CAPZB: variants seen among roughly 807,000 people sequenced by gnomAD.
The protein encoded by CAPZB is capping actin protein of muscle Z-line subunit beta.
A neutral mutation model predicts 38.1 loss-of-function variants in CAPZB; 2 were observed. The observed-to-expected ratio is 0.05, with a 90% confidence interval of 0.02 to 0.17. The LOEUF (loss-of-function observed/expected upper bound fraction) is 0.17, where lower values mean the gene tolerates loss of function less well. Ranked by LOEUF, CAPZB falls within the 10% of genes least tolerant of loss-of-function variation. The pLI, the probability that CAPZB is intolerant of heterozygous loss-of-function variation, is 1.00. For missense variants in CAPZB, 161 were observed against 334.2 expected, an observed-to-expected ratio of 0.48 and a Z score of 4.04; for synonymous variants, 107 against 127.4, an observed-to-expected ratio of 0.84 and a Z score of 1.08.
chr1:19,453,623 TCTC>T (rs1369065568), intron 1 of CAPZB, among the ~76,000 whole-genome samples: 1 of 152,066 alleles, frequency 6.6e-6, no homozygotes, highest in Admixed American at 6.5e-5. Flanking sequence ...TTCCTTGTCT[TCTC>T]CTCCCACCTG....
chr1:19,399,173 G>A (rs1038237149), intron 2 of CAPZB, among the ~76,000 whole-genome samples: 2 of 152,096 alleles, frequency 1.3e-5, no homozygotes, highest in Non-Finnish European at 2.9e-5. Flanking sequence ...CACAACTCTT[G>A]CGTGTGCTAA....
At chr1:19,372,020 A>C (rs2094121954) in intron 4 of CAPZB, among the ~76,000 whole-genome samples, 1 of 152,240 alleles carries the variant, frequency 6.6e-6, no homozygotes, top group Admixed American at 6.5e-5. Context: ...CCACTCCTGG[A>C]GAGGCCCTTG....
chr1:19,451,162 G>T (rs570123470), intron 1 of CAPZB, among the ~76,000 whole-genome samples: 76 of 152,254 alleles, frequency 5.0e-4, no homozygotes, highest in African/African-American at 1.8e-3. Context: ...TTGCTATTTC[G>T]CATTAAGACT....
intron 2 of CAPZB, among the ~76,000 whole-genome samples, chr1:19,388,307 G>T (rs946543765): frequency 6.6e-6 from 1 of 152,216 alleles, no homozygotes; most frequent in East Asian, 1.9e-4. Context: ...CAAGGACTTC[G>T]ATCTTACTCA....
intron 2 of CAPZB, among the ~76,000 whole-genome samples, chr1:19,397,960 G>A (rs1398288223): frequency 6.6e-6 from 1 of 152,142 alleles, no homozygotes; most frequent in African/African-American, 2.4e-5. Context: ...CAGCATCGGG[G>A]TCTGTGGGTT....
At chr1:19,401,143 C>T (rs750790023) in intron 2 of CAPZB, among the ~76,000 whole-genome samples, 1 of 151,190 alleles carries the variant, frequency 6.6e-6, no homozygotes, top group African/African-American at 2.4e-5. Flanking sequence ...GACCAGAGAG[C>T]ATTTTCACAA....
intron 1 of CAPZB, among the ~76,000 whole-genome samples, chr1:19,471,552 T>A (rs1157467001): frequency 7.1e-6 from 1 of 141,580 alleles, no homozygotes; most frequent in African/African-American, 2.5e-5. Flanking sequence ...GGCAACCAGT[T>A]CTTGTCTGTT....
At chr1:19,406,619 A>G (rs2094333821) in intron 2 of CAPZB, among the ~76,000 whole-genome samples, 1 of 152,168 alleles carries the variant, frequency 6.6e-6, no homozygotes, top group South Asian at 2.1e-4. Flanking sequence ...AGACGGGTAG[A>G]TCCCAACTCT....
chr1:19,389,768 A>T (rs985695725), intron 2 of CAPZB, among the ~76,000 whole-genome samples: 20 of 152,210 alleles, frequency 1.3e-4, no homozygotes, highest in Admixed American at 1.1e-3. Flanking sequence ...GCCAATCCCC[A>T]CTGCTCTCTT....
intron 1 of CAPZB, among the ~76,000 whole-genome samples, chr1:19,478,425 C>T (rs560705209): frequency 6.6e-6 from 1 of 152,354 alleles, no homozygotes; most frequent in East Asian, 1.9e-4. Context: ...TCACTACGTG[C>T]CAGGTGAATG....
intron 1 of CAPZB, among the ~76,000 whole-genome samples, chr1:19,462,553 T>C (rs2094555506): frequency 6.6e-6 from 1 of 152,206 alleles, no homozygotes; most frequent in South Asian, 2.1e-4. Flanking sequence ...GCATGTTAGA[T>C]AACTCCTGAT....
chr1:19,384,207 C>A (rs2094191755), intron 3 of CAPZB, among the ~76,000 whole-genome samples: 1 of 152,198 alleles, frequency 6.6e-6, no homozygotes, highest in Non-Finnish European at 1.5e-5. Flanking sequence ...CCCTGCCAGA[C>A]CTGCCCTGGC....
In CAPZB at chr1:19,357,368, T is replaced by C; in HGVS notation, c.471+54A>G. The C allele has an allele frequency of 6.5e-7, 1 of 1,549,476 alleles. No individual in the cohort carries two copies. Among genetic ancestry groups the C allele is most frequent in the East Asian group, 2.2e-5 (1 of 44,558 alleles). On this transcript the variant is annotated intron_variant, in intron 5 of 8. Coordinates refer to ENST00000264202, the MANE Select transcript of CAPZB (RefSeq NM_004930.5). The surrounding 1 kb of genome is among the most constrained non-coding windows in gnomAD (Gnocchi z 4.3). Reference sequence around the variant, plus strand: ...TGTTAGAGAGCAGCGCGGCACTGGTTGGTGTGCCATCTGTACTTAGTGGCC... The same window carrying C: ...TGTTAGAGAGCAGCGCGGCACTGGTCGGTGTGCCATCTGTACTTAGTGGCC...
Position 19,378,753 on chromosome 1 carries a change from C to T in CAPZB, c.216-100G>A. ...CCCTGGCTATCTGAAATCTCGGAGG[C>T]AAAGCCGCTAACTCCAGCAAAGATT... On this transcript the variant is annotated intron_variant, in intron 3 of 8. Coordinates refer to ENST00000264202, the MANE Select transcript of CAPZB (RefSeq NM_004930.5). 1.0e-5 allele frequency: 7 copies of T among 677,980 alleles called. No individual in the cohort carries two copies. In the Admixed American group the frequency reaches 1.4e-4, roughly 14 times the overall value. 42.0% of individuals were successfully genotyped at this position (677,980 alleles called of 1,614,324 possible).
intron 1 of CAPZB, among the ~76,000 whole-genome samples, chr1:19,450,399 G>C (rs901918914): frequency 2.6e-5 from 4 of 152,128 alleles, no homozygotes; most frequent in Non-Finnish European, 5.9e-5. Flanking sequence ...CCTCATGTCA[G>C]TGCTCACAAA....
intron 4 of CAPZB, among the ~76,000 whole-genome samples, chr1:19,362,194 A>G (rs1310712896): frequency 7.5e-6 from 1 of 133,606 alleles, no homozygotes; most frequent in South Asian, 2.4e-4. Context: ...AATTTTTATT[A>G]TATTTTTTTG....
chr1:19,466,359 C>A (rs1460114239), intron 1 of CAPZB, among the ~76,000 whole-genome samples: 6 of 152,186 alleles, frequency 3.9e-5, no homozygotes, highest in Admixed American at 1.3e-4. Context: ...GAGCTGAAAC[C>A]CAAACAAAAA....
At chr1:19,362,925 G>C (rs1003208302) in intron 4 of CAPZB, among the ~76,000 whole-genome samples, 3 of 152,142 alleles carry the variant, frequency 2.0e-5, no homozygotes, top group African/African-American at 7.2e-5. Context: ...AAGATGAGGA[G>C]GGGGTGAAAT....
At chr1:19,361,245 A>G (rs569933362) in intron 4 of CAPZB, among the ~76,000 whole-genome samples, 1 of 152,346 alleles carries the variant, frequency 6.6e-6, no homozygotes, top group South Asian at 2.1e-4. Flanking sequence ...CTCACTTCGA[A>G]TCTGTTCCCT....
Sources: allele counts gnomAD v4.1 joint callset (sites outside exome capture counted in the v4.1 genomes callset), GRCh38; gene constraint gnomAD v4.1.1; non-coding constraint Gnocchi (gnomAD v3.1); transcripts MANE v1.5; gene names NCBI Gene and HGNC (gene_info 2026-07-23, HGNC 2026-07-21).